OPN3: variants seen among roughly 807,000 people sequenced by gnomAD.
OPN3 encodes the protein opsin-3.
Under a neutral mutation model 33.8 loss-of-function variants are expected in OPN3, and 29 were observed. That is an observed-to-expected ratio of 0.86 (90% CI 0.64 to 1.17). The LOEUF (loss-of-function observed/expected upper bound fraction) is 1.17, where lower values mean the gene tolerates loss of function less well. OPN3 is among the 50% of genes most tolerant of loss of function. OPN3 has a pLI of 0.00. For synonymous variants in OPN3, 216 were observed against 216.1 expected, an observed-to-expected ratio of 1.00 and a Z score of 0.00; for missense variants, 437 against 514.1, an observed-to-expected ratio of 0.85 and a Z score of 1.45.
chr1:241,603,587 A>C (rs1386039586), intron 2 of OPN3, among the ~76,000 whole-genome samples: 2 of 152,216 alleles, frequency 1.3e-5, no homozygotes, highest in African/African-American at 4.8e-5. Flanking sequence ...AAGAATGTAG[A>C]AACAAATGAT....
At chr1:241,637,495 C>T (rs1664943030) in intron 1 of OPN3, among the ~76,000 whole-genome samples, 1 of 152,328 alleles carries the variant, frequency 6.6e-6, no homozygotes, top group South Asian at 2.1e-4. Flanking sequence ...CTTCTTCCAG[C>T]AGGGTGTGAA....
At chr1:241,635,021 A>G in intron 1 of OPN3, 1 of 1,613,466 alleles carries the variant, frequency 6.2e-7, no homozygotes, top group Non-Finnish European at 8.5e-7. Flanking sequence ...ATCTGATTTG[A>G]TTAAAAGATC....
intron 1 of OPN3, among the ~76,000 whole-genome samples, chr1:241,611,320 A>C (rs531597523): frequency 6.6e-6 from 1 of 152,186 alleles, no homozygotes; most frequent in South Asian, 2.1e-4. Flanking sequence ...CTGTTGTATG[A>C]AAAGGTTACT....
At position 241,634,761 on chromosome 1, in the gene OPN3, G is replaced by A. The variant is rs1372185615; in HGVS notation, c.373+5121C>T. 13 of 1,613,990 alleles carry A rather than the reference G, an allele frequency of 8.1e-6. No homozygotes were observed. In the South Asian group the frequency reaches 1.4e-4, roughly 18 times the overall value. On this transcript the variant is annotated intron_variant, in intron 1 of 3. Transcript: ENST00000366554. ...GCAATTGAGTGCAGTACAAAATGTT[G>A]AAGGTTGGGAGTTAGTTTTTTAGTT...
intron 1 of OPN3, among the ~76,000 whole-genome samples, chr1:241,627,082 C>A (rs1664441606): frequency 6.6e-6 from 1 of 152,058 alleles, no homozygotes; most frequent in South Asian, 2.1e-4. Context: ...CAAGCAAATG[C>A]CAAGAATCAT....
At chr1:241,618,979 T>TATATAC (rs1262062732) in intron 1 of OPN3, among the ~76,000 whole-genome samples, 1 of 151,318 alleles carries the variant, frequency 6.6e-6, no homozygotes, top group African/African-American at 2.4e-5. Context: ...AGTTTATATA[T>TATATAC]ATATATATAT....
At chr1:241,615,948 C>A (rs759176605) in intron 1 of OPN3, 2 of 456,540 alleles carry the variant, frequency 4.4e-6, no homozygotes, top group Non-Finnish European at 8.8e-6. Context: ...TAGAGGCAAA[C>A]GGACATTAAC....
Position 241,611,997 on chromosome 1 carries a change from T to A in OPN3, c.374-7418A>T, listed in dbSNP as rs1419690841. The stretch of plus-strand genomic sequence containing the variant: ...TCCACCATATTTAAGGAAGTTAATC[T>A]TTGTTGGCTGTGGGAATGAATGAAG... On this transcript the variant is annotated intron_variant, in intron 1 of 3. Transcript: ENST00000366554. 3.3e-5 allele frequency among the ~76,000 whole-genome samples: 5 copies of A among 152,294 alleles called. No individual in the cohort carries two copies. The East Asian group carries it at 9.7e-4, about 29-fold the overall frequency.
chr1:241,605,556 G>GA (rs1663807285), intron 1 of OPN3, among the ~76,000 whole-genome samples: 1 of 152,238 alleles, frequency 6.6e-6, no homozygotes, highest in Non-Finnish European at 1.5e-5. Context: ...TATGTGCCAG[G>GA]CACTGTGCAG....
rs141356521 is a variant in OPN3, at chr1:241,604,325, A to G, written c.628T>C (p.Cys210Arg). ...ATGACACCCAGGGGCACCACCAGGC[A>G]GCCAAGAAATAAGAAAAGCACAAAG... The part of the protein sequence containing the change: ...SSFVLFLFLG[C>R]LVVPLGVIAH... The change falls in exon 2 of 4, where the codon TGC becomes CGC. Residue 210 changes from cysteine to arginine, a missense_variant. By Grantham distance (180) the Cys-to-Arg change is radical (BLOSUM62 -3). Coordinates refer to ENST00000366554, the MANE Select transcript of OPN3 (RefSeq NM_014322.3). The G allele has an allele frequency of 6.1e-4, 981 of 1,614,216 alleles. 6 individuals are homozygous for G. In the Middle Eastern group the frequency reaches 0.014, roughly 23 times the overall value.
chr1:241,634,885 CT>C, intron 1 of OPN3: 1 of 1,610,400 alleles, frequency 6.2e-7, no homozygotes, highest in Non-Finnish European at 8.5e-7. Context: ...TTAGCATCCT[CT>C]TTTCAACCAT....
intron 2 of OPN3, among the ~76,000 whole-genome samples, chr1:241,599,614 T>C (rs1423314469): frequency 6.6e-6 from 1 of 152,186 alleles, no homozygotes; most frequent in Non-Finnish European, 1.5e-5. Flanking sequence ...AGAATATTTT[T>C]CTATTTTCAA....
At chr1:241,632,750 A>G (rs372709054) in intron 1 of OPN3, 10 of 152,106 alleles carry the variant, frequency 6.6e-5, no homozygotes, top group Non-Finnish European at 1.2e-4. Flanking sequence ...TGTTATAGTG[A>G]TATTAATTAA....
At chr1:241,615,027 A>C (rs1664089306) in intron 1 of OPN3, among the ~76,000 whole-genome samples, 1 of 152,220 alleles carries the variant, frequency 6.6e-6, no homozygotes, top group South Asian at 2.1e-4. Context: ...AGGATATTGA[A>C]CAAGATGGTT....
At chr1:241,636,963 A>T (rs955800135) in intron 1 of OPN3, among the ~76,000 whole-genome samples, 2 of 151,810 alleles carry the variant, frequency 1.3e-5, no homozygotes, top group African/African-American at 4.8e-5. Flanking sequence ...TTTAAAAAAA[A>T]AAAAATAATA....
In OPN3 at chr1:241,597,811, A is replaced by C; in HGVS notation, c.880T>G (p.Ser294Ala). Residue 294 changes from serine to alanine, a missense_variant, in exon 3 of 4, where the codon TCG becomes GCG. Coordinates refer to ENST00000366554, the MANE Select transcript of OPN3 (RefSeq NM_014322.3). ...HLVTPTISIV[S>A]YLFAKSNTVY... ...GTGTTCGATTTAGCAAAGAGGTACG[A>C]AACAATAGATATTGTTGGAGTGACC... 2 of 1,613,886 alleles carry C rather than the reference A, an allele frequency of 1.2e-6. No homozygotes were observed. The highest frequency in any genetic ancestry group is 1.7e-6 in the Non-Finnish European group (2 of 1,179,836).
At chr1:241,639,094 T>TA (rs1665012841) in intron 1 of OPN3, 1 of 152,252 alleles carries the variant, frequency 6.6e-6, no homozygotes, top group Non-Finnish European at 1.5e-5. Flanking sequence ...TCTTCCATAA[T>TA]AAGAGTACTG....
chr1:241,635,251 T>C lies in OPN3; in HGVS notation c.373+4631A>G, dbSNP rs746143117. 2.5e-6 allele frequency: 4 copies of C among 1,613,812 alleles called. No homozygotes were observed. The East Asian group carries it at 6.7e-5, about 27-fold the overall frequency. On this transcript the variant is annotated intron_variant, in intron 1 of 3. Coordinates refer to ENST00000366554, the MANE Select transcript of OPN3 (RefSeq NM_014322.3). ...ACTTTTCCTTCTCCACTGATTCCTC[T>C]ACATCAGTTACTTCTAGTGAAATCT... is the stretch of plus-strand genomic sequence containing the variant.
chr1:241,636,116 T>G, intron 1 of OPN3: 1 of 419,716 alleles, frequency 2.4e-6, no homozygotes. Context: ...GTAAACAATA[T>G]AAGAGAAAAA....
Sources: gnomAD v4.1 joint callset for allele counts (sites outside exome capture counted in the v4.1 genomes callset) on GRCh38, gnomAD v4.1.1 for gene constraint, MANE v1.5 for transcripts, NCBI Gene and HGNC (gene_info 2026-07-23, HGNC 2026-07-21) for gene names.